SV2A: variants seen among roughly 807,000 people sequenced by gnomAD.
SV2A encodes solute carrier family 22 member B1.
Under a neutral mutation model 78.0 loss-of-function variants are expected in SV2A, and 25 were observed. The observed-to-expected ratio is 0.32, with a 90% confidence interval of 0.23 to 0.45. The LOEUF is 0.45. Ranked by LOEUF, SV2A falls within the 20% of genes least tolerant of loss-of-function variation. The pLI, the probability that SV2A is intolerant of heterozygous loss-of-function variation, is 1.00. For synonymous variants in SV2A, 355 were observed against 384.7 expected, an observed-to-expected ratio of 0.92 and a Z score of 0.90; for missense variants, 752 against 971.5, an observed-to-expected ratio of 0.77 and a Z score of 3.00.
chr1:149,910,689 T>A lies in SV2A; in HGVS notation c.970A>T (p.Met324Leu). 1 of 1,613,858 alleles carries A rather than the reference T, an allele frequency of 6.2e-7. No individual in the cohort carries two copies. Among genetic ancestry groups the A allele is most frequent in the Non-Finnish European group, 8.5e-7 (1 of 1,179,928 alleles). ...IIPHYGWSFQ[M>L]GSAYQFHSWR... ...CTGTGGAACTGGTAGGCAGAACCCA[T>A]CTGAAAACTCCACCCTGGTAGGGAG... is the stretch of plus-strand genomic sequence containing the variant. Residue 324 changes from methionine to leucine, a missense_variant, in exon 5 of 13, where the codon ATG becomes TTG. By Grantham distance (15) the Met-to-Leu change is conservative. Around this residue, in one of 7 missense-constraint regions of SV2A, gnomAD observed 43 missense variants for 70.8 expected, o/e 0.61. Coordinates refer to ENST00000369146, the MANE Select transcript of SV2A (RefSeq NM_014849.5). This position sits in a 1 kb window ranked among gnomAD's most constrained non-coding sequence, Gnocchi z 4.2.
intron 1 of SV2A, among the ~76,000 whole-genome samples, chr1:149,915,918 C>T (rs1305259809): frequency 6.6e-6 from 1 of 152,120 alleles, no homozygotes; most frequent in Non-Finnish European, 1.5e-5. Flanking sequence ...CACACGCACA[C>T]ACACACACAC....
At position 149,909,217 on chromosome 1, in the gene SV2A, CCAT is replaced by C; in HGVS notation, c.1351_1353del (p.Met451del). 1 of 1,613,992 alleles carries C rather than the reference CCAT, an allele frequency of 6.2e-7. No individual in the cohort carries two copies. The highest frequency in any genetic ancestry group is 8.5e-7 in the Non-Finnish European group (1 of 1,179,986). ...CTGAATGACATGGTGAACCACACACCCATCATCATCAGAGTGATGCGCCGATAT... is the reference window on the plus strand; with the variant it reads ...CTGAATGACATGGTGAACCACACACCCATCATCAGAGTGATGCGCCGATAT... On this transcript the variant is annotated inframe_deletion, in exon 8 of 13. Transcript: ENST00000369146.
chr1:149,910,524 C>A lies in SV2A; in HGVS notation c.1089+46G>T. ...AGAAGCCCCTGCTGCCGTCCACACT[C>A]CACAGCCCGCACCCCACCCCACCCC... On this transcript the variant is annotated intron_variant, in intron 5 of 12. Transcript: ENST00000369146. This position sits in a 1 kb window ranked among gnomAD's most constrained non-coding sequence, Gnocchi z 4.2. 1 of 1,540,372 alleles carries A rather than the reference C, an allele frequency of 6.5e-7. No individual in the cohort carries two copies. The highest frequency in any genetic ancestry group is 8.7e-7 in the Non-Finnish European group (1 of 1,146,504).
rs782737646 is a variant in SV2A at position 149,906,861 on chromosome 1, G to A, written c.1679-5C>T. On this transcript the variant is annotated splice_polypyrimidine_tract_variant and splice_region_variant and intron_variant, in intron 10 of 12. Coordinates refer to ENST00000369146, the MANE Select transcript of SV2A (RefSeq NM_014849.5). Reference sequence around the variant, plus strand: ...CAAACTTGTACTCGAACAGGTCTGTGGGCAAAGGCCAAGATAAGCAGGCAG... The same window carrying A: ...CAAACTTGTACTCGAACAGGTCTGTAGGCAAAGGCCAAGATAAGCAGGCAG... 13 of 1,614,104 alleles carry A rather than the reference G, an allele frequency of 8.1e-6. No individual in the cohort carries two copies. Among genetic ancestry groups the A allele is most frequent in the Non-Finnish European group, 1.1e-5 (13 of 1,179,988 alleles).
In SV2A at chr1:149,910,500, G is replaced by A; in HGVS notation, c.1089+70C>T. On this transcript the variant is annotated intron_variant, in intron 5 of 12. Transcript: ENST00000369146. This position sits in a 1 kb window ranked among gnomAD's most constrained non-coding sequence, Gnocchi z 4.2. ...AAACTCCAGTTGGTGTTTGAACACA[G>A]AAGCCCCTGCTGCCGTCCACACTCC... 6.8e-7 allele frequency: 1 copy of A among 1,477,076 alleles called. No individual in the cohort carries two copies. Among genetic ancestry groups the A allele is most frequent in the Non-Finnish European group, 9.0e-7 (1 of 1,116,834 alleles). The allele number at this position is 1,477,076 out of a possible 1,614,324, so 91.5% of individuals were successfully genotyped here.
Position 149,911,787 on chromosome 1 carries a change from A to T in SV2A, c.803+13T>A, listed in dbSNP as rs2092477046. On this transcript the variant is annotated intron_variant, in intron 3 of 12. Transcript: ENST00000369146. Reference sequence around the variant, plus strand: ...AGTCCTGCCCTCAAGGGACTTAGGAAGTGTACACTCACCCAACCCCAGAAA... The same window carrying T: ...AGTCCTGCCCTCAAGGGACTTAGGATGTGTACACTCACCCAACCCCAGAAA... The T allele has an allele frequency of 6.2e-7, 1 of 1,612,920 alleles. No individual in the cohort carries two copies. The highest frequency in any genetic ancestry group is 8.5e-7 in the Non-Finnish European group (1 of 1,179,236).
rs1553763623 is a variant in SV2A, at chr1:149,910,788, G to A, written c.955+38C>T. ...AGGGAGCACAGAAGAAGAGGGAGGA[G>A]GGAGATAACCTGGGGTGGATTTCCG... On this transcript the variant is annotated intron_variant, in intron 4 of 12. Coordinates refer to ENST00000369146, the MANE Select transcript of SV2A (RefSeq NM_014849.5). The surrounding 1 kb of genome is among the most constrained non-coding windows in gnomAD (Gnocchi z 4.2). 1.9e-6 allele frequency: 3 copies of A among 1,611,734 alleles called. No homozygotes were observed. Among genetic ancestry groups the A allele is most frequent in the Non-Finnish European group, 8.5e-7 (1 of 1,178,262 alleles).
chr1:149,917,461 G>A (rs1376475799), intron 1 of SV2A, among the ~76,000 whole-genome samples: 2 of 152,072 alleles, frequency 1.3e-5, no homozygotes, highest in Non-Finnish European at 2.9e-5. Flanking sequence ...TCTCCGAAGG[G>A]GATAGTGGGG....
rs60828738 is a variant in SV2A at position 149,915,890 on chromosome 1, A to AACACAC, written c.-347-1709_-347-1704dup. 3.6e-4 allele frequency among the ~76,000 whole-genome samples: 54 copies of AACACAC among 149,686 alleles called. 1 individual carries two copies. The highest frequency in any genetic ancestry group is 3.5e-3 in the Middle Eastern group (1 of 288). ...CCCACCCATCCAGGGCCTTCATTAAAACACACACACACACACACACACGCA... is the reference window on the plus strand; with the variant it reads ...CCCACCCATCCAGGGCCTTCATTAAAACACACACACACACACACACACACACACGCA... On this transcript the variant is annotated intron_variant, in intron 1 of 12. Coordinates refer to ENST00000369146, the MANE Select transcript of SV2A (RefSeq NM_014849.5).
rs144646284 is a variant in SV2A at position 149,913,277 on chromosome 1, G to A, written c.564C>T (p.Phe188=). ...ADGVEVFVVG[F]VLPSAEKDMC... The stretch of plus-strand genomic sequence containing the variant: ...TGTCTTTCTCAGCGCTGGGCAGCAC[G>A]AAGCCCACCACAAAGACCTCCACAC... The change falls in exon 2 of 13, where the codon TTC becomes TTT. Residue 188 remains phenylalanine (F), a synonymous_variant. Coordinates refer to ENST00000369146, the MANE Select transcript of SV2A (RefSeq NM_014849.5). 1.9e-4 allele frequency: 303 copies of A among 1,614,034 alleles called. 1 individual carries two copies. In the African/African-American group the frequency reaches 2.8e-3, roughly 15 times the overall value.
chr1:149,907,293 G>A (rs1321755307), intron 10 of SV2A, among the ~76,000 whole-genome samples: 15 of 152,256 alleles, frequency 9.9e-5, no homozygotes, highest in African/African-American at 3.1e-4. Context: ...CCAGCATTTC[G>A]TGTGCATATA....
At position 149,906,680 on chromosome 1, in the gene SV2A, T is replaced by C; in HGVS notation, c.1855A>G (p.Met619Val). ...LPGNIVSALL[M>V]DKIGRLRMLA... The stretch of plus-strand genomic sequence containing the variant: ...ATTCTGAGCCTGCCGATCTTGTCCA[T>C]GAGCAGGGCAGACACGATATTCCCA... Residue 619 changes from methionine (M) to valine (V), a missense_variant, in exon 11 of 13, where the codon ATG (methionine) becomes GTG (valine). This residue lies in a region of SV2A where 186 missense variants were observed against 274.6 expected (regional missense o/e 0.68). Coordinates refer to ENST00000369146, the MANE Select transcript of SV2A (RefSeq NM_014849.5). The C allele has an allele frequency of 2.5e-6, 4 of 1,614,182 alleles. No individual in the cohort carries two copies. Among genetic ancestry groups the C allele is most frequent in the Non-Finnish European group, 3.4e-6 (4 of 1,180,026 alleles).
intron 2 of SV2A, 148 bp from the exon 3 acceptor site, chr1:149,912,128 T>C (rs1232197772): frequency 1.3e-5 from 10 of 775,376 alleles, no homozygotes; most frequent in East Asian, 2.7e-5. Flanking sequence ...AGAAAATGAA[T>C]GGTGTAAGCA....
At chr1:149,905,334 A>G (rs1553762562) in intron 12 of SV2A, 137 bp from the exon 13 acceptor site, 2 of 736,592 alleles carry the variant, frequency 2.7e-6, no homozygotes, top group East Asian at 2.8e-5. Context: ...GAGATCAGAG[A>G]GGTAAAGGAT....
intron 2 of SV2A, 22 bp from the exon 3 acceptor site, chr1:149,912,002 G>A: frequency 6.2e-7 from 1 of 1,608,618 alleles, no homozygotes; most frequent in Non-Finnish European, 8.5e-7. Context: ...AGGAAAACAG[G>A]CAGAGGGGGT....
chr1:149,906,437 G>A (rs1421398271), intron 11 of SV2A, among the ~76,000 whole-genome samples: 2 of 152,100 alleles, frequency 1.3e-5, no homozygotes, highest in African/African-American at 4.8e-5. Context: ...CAAAGCCTGT[G>A]CCCTAACCAC....
chr1:149,917,488 G>A (rs2092522664), intron 1 of SV2A, among the ~76,000 whole-genome samples: 1 of 152,106 alleles, frequency 6.6e-6, no homozygotes, highest in South Asian at 2.1e-4. Context: ...TTAAGGTAGA[G>A]AAAAACACCC....
At chr1:149,907,114 C>A (rs2092443483) in intron 10 of SV2A, 1 of 492,294 alleles carries the variant, frequency 2.0e-6, no homozygotes, top group East Asian at 1.5e-4. Context: ...CTTATTCATT[C>A]TTTCTGTCCG....
In SV2A at chr1:149,903,322, G is replaced by A. The variant is rs1435637060; in HGVS notation, c.*1692C>T. On this transcript the variant is annotated 3_prime_UTR_variant, in exon 13 of 13. Transcript: ENST00000369146. Reference sequence around the variant, plus strand: ...TCACAGAAGCAGGTATAGCCATTTTGTATTTTGAGGATTTGTTTCCGTTTT... The same window carrying A: ...TCACAGAAGCAGGTATAGCCATTTTATATTTTGAGGATTTGTTTCCGTTTT... The A allele has an allele frequency of 6.6e-6, 1 of 152,230 alleles. No individual in the cohort carries two copies. The highest frequency in any genetic ancestry group is 2.4e-5 in the African/African-American group (1 of 41,458). 9.4% of individuals were successfully genotyped at this position (152,230 alleles called of 1,614,324 possible). A position where few individuals can be genotyped will look rare whatever the true frequency, so the allele number is the denominator to read the frequency against.
Sources: allele counts gnomAD v4.1 joint callset (sites outside exome capture counted in the v4.1 genomes callset), GRCh38; gene constraint gnomAD v4.1.1; regional missense constraint gnomAD v4.1.1; non-coding constraint Gnocchi (gnomAD v3.1); transcripts MANE v1.5; gene names NCBI Gene and HGNC (gene_info 2026-07-23, HGNC 2026-07-21).